Variants in POLR1C observed in about 807,000 individuals in gnomAD.
POLR1C encodes the protein DNA-directed RNA polymerases I and III subunit RPAC1.
Under a neutral mutation model 38.3 loss-of-function variants are expected in POLR1C, and 42 were observed. The ratio of observed to expected loss-of-function variants is 1.10; its 90% CI spans 0.86 to 1.42. The LOEUF (loss-of-function observed/expected upper bound fraction) is 1.42. Among genes scored for constraint, POLR1C ranks in the 40% most tolerant of loss-of-function variants. The pLI, the probability that POLR1C is intolerant of heterozygous loss-of-function variation, is 0.00. For missense variants in POLR1C, 507 were observed against 450.5 expected (o/e 1.13, Z -1.14); for synonymous variants, 163 against 163.9 (o/e 0.99, Z 0.04).
downstream of POLR1C, chr6:43,522,775 T>A (rs1249415442): frequency 4.4e-6 from 2 of 459,252 alleles, no homozygotes; most frequent in South Asian, 3.2e-5. Context: ...GACACACTGG[T>A]TTCTGTATGG....
intron 6 of POLR1C, 23 bp from the exon 7 acceptor site, chr6:43,520,602 G>A: frequency 6.2e-7 from 1 of 1,614,066 alleles, no homozygotes; most frequent in Non-Finnish European, 8.5e-7. Flanking sequence ...TTTCCTATAG[G>A]CACGTTCCCT....
intron 9 of POLR1C, among the ~76,000 whole-genome samples, chr6:43,536,299 C>A (rs1338915668): frequency 6.6e-6 from 1 of 151,382 alleles, no homozygotes; most frequent in African/African-American, 2.4e-5. Context: ...CCTATAATCC[C>A]AGCTACTTGA....
chr6:43,553,697 T>C (rs1379369470), intron 10 of POLR1C: 2 of 1,247,814 alleles, frequency 1.6e-6, no homozygotes, highest in South Asian at 2.1e-5. Context: ...AGCAATGAGG[T>C]AGGTGAAGGT....
chr6:43,529,764 A>G (rs1793843873), downstream of POLR1C, among the ~76,000 whole-genome samples: 1 of 151,400 alleles, frequency 6.6e-6, no homozygotes, highest in Admixed American at 6.6e-5. Flanking sequence ...TACAAATAAT[A>G]ATAAAAACTA....
At chr6:43,545,872 C>G (rs1010295683) in intron 9 of POLR1C, among the ~76,000 whole-genome samples, 5 of 152,120 alleles carry the variant, frequency 3.3e-5, no homozygotes, top group Admixed American at 3.3e-4. Context: ...TGGCCTACTT[C>G]CACTTGAATA....
At chr6:43,519,060 A>T (rs549712632) in intron 2 of POLR1C, 3 of 487,544 alleles carry the variant, frequency 6.2e-6, no homozygotes, top group African/African-American at 2.0e-5. Flanking sequence ...ACTAAGCACT[A>T]TGGTAGTTTC....
At position 43,552,140 on chromosome 6, in the gene POLR1C, C is replaced by T. The variant is rs543631075; in HGVS notation, c.*48+1129C>T. On this transcript the variant is annotated intron_variant, in intron 10 of 10. Coordinates refer to the POLR1C transcript ENST00000607635. ...TGGCACGATCTCAGCTCACTGCAAC[C>T]TCCACCTCCTGGGTTCAAGTGATTC... Among the ~76,000 whole-genome samples, 5 of 152,342 alleles carry T rather than the reference C, an allele frequency of 3.3e-5. No homozygotes were observed. The South Asian group carries it at 1.0e-3, about 32-fold the overall frequency.
intron 9 of POLR1C, among the ~76,000 whole-genome samples, chr6:43,541,423 A>G (rs74918970): frequency 6.6e-6 from 1 of 152,378 alleles, no homozygotes; most frequent in Non-Finnish European, 1.5e-5. Context: ...TTAAAAAACT[A>G]ACAAAAAACA....
intron 9 of POLR1C, among the ~76,000 whole-genome samples, chr6:43,537,001 C>G (rs1378886906): frequency 1.3e-5 from 2 of 152,104 alleles, no homozygotes; most frequent in Non-Finnish European, 2.9e-5. Context: ...GGGTCTCACT[C>G]TACTGCCCAG....
chr6:43,526,726 T>C lies in POLR1C; in HGVS notation c.923-2523T>C, dbSNP rs115410573. 2.3e-4 allele frequency: 364 copies of C among 1,613,960 alleles called. 2 individuals are homozygous for C. In the African/African-American group the frequency reaches 4.5e-3, roughly 20 times the overall value. On this transcript the variant is annotated intron_variant, in intron 8 of 8. Transcript: ENST00000304004. ...GGGAGCACTACTGTGGTCAGCACCC[T>C]TCTTTGAAACACAGCAAACCGCTAA...
At chr6:43,527,993 GCTGGTAA>G (rs1793708497) in intron 8 of POLR1C, among the ~76,000 whole-genome samples, 2 of 152,206 alleles carry the variant, frequency 1.3e-5, no homozygotes, top group Admixed American at 1.3e-4. Flanking sequence ...GAGTCTGCCT[GCTGGTAA>G]CAGCCTGTCC....
At chr6:43,560,445 T>A in intron 10 of POLR1C, 1 of 1,047,026 alleles carries the variant, frequency 9.6e-7, no homozygotes, top group Non-Finnish European at 1.3e-6. Context: ...AATTTATCAG[T>A]AATGACCACC....
chr6:43,551,473 C>G, intron 10 of POLR1C: 1 of 1,606,540 alleles, frequency 6.2e-7, no homozygotes, highest in African/African-American at 1.3e-5. Flanking sequence ...AGACATAAAA[C>G]AGGTTGACAA....
chr6:43,537,231 C>T (rs978057100), intron 9 of POLR1C, among the ~76,000 whole-genome samples: 1 of 152,024 alleles, frequency 6.6e-6, no homozygotes, highest in Non-Finnish European at 1.5e-5. Flanking sequence ...CCTGGCCTCC[C>T]AAAGTGCTGA....
chr6:43,527,997 G>C (rs1236954807), intron 8 of POLR1C, among the ~76,000 whole-genome samples: 2 of 152,268 alleles, frequency 1.3e-5, no homozygotes, highest in African/African-American at 4.8e-5. Flanking sequence ...CTGCCTGCTG[G>C]TAACAGCCTG....
At chr6:43,528,090 G>A (rs1240968341) in intron 8 of POLR1C, 7 of 1,470,960 alleles carry the variant, frequency 4.8e-6, no homozygotes, top group South Asian at 1.2e-5. Flanking sequence ...ATCCCTGCCC[G>A]CTTCCTTTTC....
chr6:43,519,375 G>C lies in POLR1C; in HGVS notation c.184G>C (p.Glu62Gln), dbSNP rs553783416. 2 of 1,614,008 alleles carry C rather than the reference G, an allele frequency of 1.2e-6. No homozygotes were observed. Among genetic ancestry groups the C allele is most frequent in the African/African-American group, 1.3e-5 (1 of 75,028 alleles). The part of the protein sequence containing the change: ...DVVHMDENSL[E>Q]FDMVGIDAAI... ...AGTACACATGGATGAAAACTCACTG[G>C]AGTTTGACATGGTGGGAATTGACGC... Residue 62 changes from glutamate (E) to glutamine (Q), a missense_variant, in exon 3 of 9, where the codon GAG becomes CAG. Coordinates refer to ENST00000642195, the MANE Select transcript of POLR1C (RefSeq NM_203290.4).
chr6:43,547,788 CA>C (rs1795032851), intron 9 of POLR1C: 4 of 1,254,702 alleles, frequency 3.2e-6, no homozygotes, highest in Non-Finnish European at 4.6e-6. Flanking sequence ...AACAGGCTAT[CA>C]TTATTTGGCC....
At chr6:43,531,370 A>T, downstream of POLR1C, 2 of 970,668 alleles carry the variant, frequency 2.1e-6, no homozygotes, top group Non-Finnish European at 3.2e-6. Flanking sequence ...TTCCTATCAA[A>T]CTCTTGCCTC....
Sources: gnomAD v4.1 joint callset for allele counts (sites outside exome capture counted in the v4.1 genomes callset) on GRCh38, gnomAD v4.1.1 for gene constraint, MANE v1.5 for transcripts, NCBI Gene and HGNC (gene_info 2026-07-23, HGNC 2026-07-21) for gene names.